UBASH3B: variants seen among roughly 807,000 people sequenced by gnomAD.
UBASH3B encodes the protein ubiquitin associated and SH3 domain containing B.
In UBASH3B, 37 loss-of-function variants were observed where a neutral mutation model predicts 83.4. That is an observed-to-expected ratio of 0.44 (90% CI 0.34 to 0.58). The LOEUF (loss-of-function observed/expected upper bound fraction) is 0.58, where lower values mean the gene tolerates loss of function less well. Among genes scored for constraint, UBASH3B ranks in the 20% least tolerant of loss-of-function variants. The pLI is 0.01. For synonymous variants in UBASH3B, 304 were observed against 318.3 expected (o/e 0.96, Z 0.48); for missense variants, 657 against 827.2 (o/e 0.79, Z 2.52).
chr11:122,781,045 A>G (rs1193334536), intron 4 of UBASH3B, among the ~76,000 whole-genome samples: 1 of 152,076 alleles, frequency 6.6e-6, no homozygotes, highest in African/African-American at 2.4e-5. Flanking sequence ...ACCACACAGG[A>G]CTTGGGACCT....
chr11:122,751,034 G>A (rs1363723821), intron 1 of UBASH3B, among the ~76,000 whole-genome samples: 4 of 152,164 alleles, frequency 2.6e-5, no homozygotes, highest in African/African-American at 4.8e-5. Flanking sequence ...CTGACAAGAC[G>A]GATGTGTACC....
intron 1 of UBASH3B, among the ~76,000 whole-genome samples, chr11:122,671,346 C>T (rs1835181442): frequency 6.6e-6 from 1 of 152,072 alleles, no homozygotes; most frequent in African/African-American, 2.4e-5. Flanking sequence ...GGCAACATGG[C>T]AAAACCCCAT....
intron 1 of UBASH3B, among the ~76,000 whole-genome samples, chr11:122,728,729 G>A (rs765794318): frequency 3.3e-5 from 5 of 152,198 alleles, no homozygotes; most frequent in Admixed American, 6.5e-5. Flanking sequence ...GTCTGGTGAT[G>A]ACAAAATCTG....
chr11:122,808,249 C>A, intron 13 of UBASH3B, 73 bp downstream of exon 13: 1 of 1,199,858 alleles, frequency 8.3e-7, no homozygotes, highest in Non-Finnish European at 1.2e-6. Flanking sequence ...GGCTGATTAC[C>A]AAGTTCTTTG....
At chr11:122,713,638 C>T (rs1275867130) in intron 1 of UBASH3B, among the ~76,000 whole-genome samples, 1 of 150,968 alleles carries the variant, frequency 6.6e-6, no homozygotes, top group Admixed American at 6.6e-5. Flanking sequence ...TTTTGAAAAT[C>T]ATAGTATTTT....
At chr11:122,777,573 A>G (rs1860760034) in intron 3 of UBASH3B, among the ~76,000 whole-genome samples, 1 of 152,144 alleles carries the variant, frequency 6.6e-6, no homozygotes, top group Non-Finnish European at 1.5e-5. Context: ...AAGAGCAGGG[A>G]ACAACAAAGG....
chr11:122,770,584 A>G (rs969927199), intron 1 of UBASH3B, among the ~76,000 whole-genome samples: 13 of 152,136 alleles, frequency 8.5e-5, no homozygotes, highest in East Asian at 1.9e-4. Flanking sequence ...AAGAGACAAG[A>G]AAGTGCAGTC....
intron 1 of UBASH3B, among the ~76,000 whole-genome samples, chr11:122,662,811 G>T (rs1863463403): frequency 6.6e-6 from 1 of 151,938 alleles, no homozygotes; most frequent in Admixed American, 6.6e-5. Context: ...CTTGTACTTG[G>T]CTTCTTTCCT....
At chr11:122,765,991 G>A (rs1458934950) in intron 1 of UBASH3B, among the ~76,000 whole-genome samples, 1 of 152,168 alleles carries the variant, frequency 6.6e-6, no homozygotes, top group Non-Finnish European at 1.5e-5. Context: ...ATCACCCAGC[G>A]TGGCTGGTGC....
chr11:122,657,067 A>G (rs1863374354), intron 1 of UBASH3B, among the ~76,000 whole-genome samples: 1 of 152,166 alleles, frequency 6.6e-6, no homozygotes, highest in Non-Finnish European at 1.5e-5. Flanking sequence ...CCTAAGAGGA[A>G]GCCAAGGCCC....
rs148113516 is a variant in UBASH3B at position 122,758,124 on chromosome 11, G to A, written c.162-18095G>A. On this transcript the variant is annotated intron_variant, in intron 1 of 13. Coordinates refer to ENST00000284273, the MANE Select transcript of UBASH3B (RefSeq NM_032873.5). The surrounding 1 kb of genome is among the most constrained non-coding windows in gnomAD (Gnocchi z 4.2). ...TGCCAAATTGCCAGATTCCCTGAGC[G>A]CTGGGAACTGAGGCCCAGAAGGAAG... 4.3e-3 allele frequency among the ~76,000 whole-genome samples: 661 copies of A among 152,208 alleles called. 5 individuals are homozygous for A. Among genetic ancestry groups the A allele is most frequent in the African/African-American group, 0.015 (605 of 41,542 alleles).
At chr11:122,711,601 G>T (rs534339172) in intron 1 of UBASH3B, among the ~76,000 whole-genome samples, 1 of 152,174 alleles carries the variant, frequency 6.6e-6, no homozygotes, top group Non-Finnish European at 1.5e-5. Context: ...GCATGCCCCC[G>T]GGCACTTCAG....
intron 1 of UBASH3B, among the ~76,000 whole-genome samples, chr11:122,729,540 T>C (rs1332493184): frequency 6.6e-6 from 1 of 152,200 alleles, no homozygotes; most frequent in Non-Finnish European, 1.5e-5. Flanking sequence ...CAAGTGATTA[T>C]GTTAAAGATA....
intron 1 of UBASH3B, among the ~76,000 whole-genome samples, chr11:122,694,954 C>CT (rs71054088): frequency 0.19 from 9,695 of 50,314 alleles, 3,074 homozygotes; most frequent in Non-Finnish European, 0.25. Context: ...TCTTTTCTTT[C>CT]TTTTTTTTTT....
chr11:122,689,110 T>A (rs576956783), intron 1 of UBASH3B, among the ~76,000 whole-genome samples: 1 of 152,260 alleles, frequency 6.6e-6, no homozygotes, highest in East Asian at 1.9e-4. Flanking sequence ...AGCTGTTGGT[T>A]ATTTCTGATG....
chr11:122,696,909 C>T (rs540247411), intron 1 of UBASH3B, among the ~76,000 whole-genome samples: 1 of 152,156 alleles, frequency 6.6e-6, no homozygotes, highest in Non-Finnish European at 1.5e-5. Context: ...TTCCTCCCGC[C>T]CTGCCCTGTG....
At chr11:122,714,131 A>T (rs182794243) in intron 1 of UBASH3B, among the ~76,000 whole-genome samples, 3 of 152,342 alleles carry the variant, frequency 2.0e-5, no homozygotes, top group Non-Finnish European at 4.4e-5. Flanking sequence ...GCTGGGCATC[A>T]TCTGTCAGGA....
At chr11:122,696,719 G>A (rs533569410) in intron 1 of UBASH3B, among the ~76,000 whole-genome samples, 15 of 152,322 alleles carry the variant, frequency 9.8e-5, no homozygotes, top group Non-Finnish European at 2.1e-4. Flanking sequence ...GTTTAGTACC[G>A]CAGCCACATC....
intron 1 of UBASH3B, among the ~76,000 whole-genome samples, chr11:122,708,962 C>T (rs1864158731): frequency 6.6e-6 from 1 of 152,146 alleles, no homozygotes; most frequent in Non-Finnish European, 1.5e-5. Flanking sequence ...TAAACTCATT[C>T]ATGGTCAGGT....
Sources: gnomAD v4.1 joint callset for allele counts (sites outside exome capture counted in the v4.1 genomes callset) on GRCh38, gnomAD v4.1.1 for gene constraint, Gnocchi (gnomAD v3.1) non-coding constraint, MANE v1.5 for transcripts, NCBI Gene and HGNC (gene_info 2026-07-23, HGNC 2026-07-21) for gene names.